Variants in ATP8B2 observed in about 807,000 individuals in gnomAD.
ATP8B2 encodes the protein phospholipid-transporting ATPase ID.
In ATP8B2, 70 loss-of-function variants were observed where a neutral mutation model predicts 133.4. The observed-to-expected ratio is 0.52, with a 90% confidence interval of 0.43 to 0.64. The LOEUF (loss-of-function observed/expected upper bound fraction) is 0.64. ATP8B2 is among the 30% of genes least tolerant of loss of function. The probability of loss-of-function intolerance (pLI) is 0.00; values close to 1 mark genes in which losing one functional copy is unlikely to be tolerated. For missense variants in ATP8B2, 1,101 were observed against 1,535.7 expected, an observed-to-expected ratio of 0.72 and a Z score of 4.73; for synonymous variants, 517 against 589.5, an observed-to-expected ratio of 0.88 and a Z score of 1.78.
At chr1:154,348,804 C>T (rs753350488) in intron 27 of ATP8B2, 36 bp from the exon 28 acceptor site, 14 of 1,539,476 alleles carry the variant, frequency 9.1e-6, no homozygotes, top group Admixed American at 5.8e-5. Flanking sequence ...GACACCTCCA[C>T]GCTGACAGAG....
At chr1:154,348,386 A>G in intron 26 of ATP8B2, 22 bp from the exon 27 acceptor site, 3 of 1,589,884 alleles carry the variant, frequency 1.9e-6, no homozygotes, top group Non-Finnish European at 2.6e-6. Flanking sequence ...TCCCAAGGCC[A>G]CTGACTCCTC....
At chr1:154,341,253 G>C in intron 13 of ATP8B2, 191 bp downstream of exon 13, 1 of 670,430 alleles carries the variant, frequency 1.5e-6, no homozygotes, top group South Asian at 1.6e-5. Flanking sequence ...GGGAGGCTGA[G>C]GTGGGAGGAT....
At position 154,334,235 on chromosome 1, in the gene ATP8B2, G is replaced by C; in HGVS notation, c.718G>C (p.Glu240Gln). ...LLRGCVLRNT[E>Q]WCFGLVIFAG... ...GCGGGGCTGTGTGCTGCGAAACACCGAGTGGTGCTTCGGGCTGGTCATCTT... is the reference window on the plus strand; with the variant it reads ...GCGGGGCTGTGTGCTGCGAAACACCCAGTGGTGCTTCGGGCTGGTCATCTT... Residue 240 changes from glutamate to glutamine, a missense_variant, in exon 10 of 28, where the codon GAG (glutamate) becomes CAG (glutamine). Glu to Gln is a conservative substitution (Grantham distance 29). Transcript: ENST00000368489. This position sits in a 1 kb window ranked among gnomAD's most constrained non-coding sequence, Gnocchi z 4.6. The C allele has an allele frequency of 6.2e-7, 1 of 1,614,162 alleles. No homozygotes were observed.
chr1:154,332,919 A>G (rs928897711), intron 9 of ATP8B2, among the ~76,000 whole-genome samples: 3 of 152,178 alleles, frequency 2.0e-5, no homozygotes, highest in African/African-American at 7.2e-5. Flanking sequence ...CCCACTTGCT[A>G]TGCATGTTGA....
At chr1:154,335,574 C>T (rs1005447044) in intron 11 of ATP8B2, among the ~76,000 whole-genome samples, 4 of 152,088 alleles carry the variant, frequency 2.6e-5, no homozygotes, top group Non-Finnish European at 5.9e-5. Context: ...CACCTGTGGT[C>T]CCAGTTACTC....
rs776254470 is a variant in ATP8B2 at position 154,330,829 on chromosome 1, G to A, written c.105G>A (p.Lys35=). 1.1e-5 allele frequency: 18 copies of A among 1,613,838 alleles called. No homozygotes were observed. In the South Asian group the frequency reaches 1.8e-4, roughly 16 times the overall value. ...TACTGCCATAGAGTAACTGCATCAAGACCTCCAAGTACAATATTCTCACCT... is the reference window on the plus strand; with the variant it reads ...TACTGCCATAGAGTAACTGCATCAAAACCTCCAAGTACAATATTCTCACCT... ...EKFQYASNCI[K]TSKYNILTFL... is the part of the protein sequence containing the mutation. Residue 35 remains lysine (K), a synonymous_variant, in exon 4 of 28, where the codon AAG becomes AAA. Transcript: ENST00000368489.
At position 154,343,443 on chromosome 1, in the gene ATP8B2, C is replaced by A. The variant is rs773815903; in HGVS notation, c.1643-10C>A. The stretch of plus-strand genomic sequence containing the variant: ...TTTTCTGGCACTTTCTTCACCTGCC[C>A]CATTCATAGTGCGGAATCCAGAGGG... On this transcript the variant is annotated splice_polypyrimidine_tract_variant and intron_variant, in intron 16 of 27. Coordinates refer to ENST00000368489, the MANE Select transcript of ATP8B2 (RefSeq NM_001370597.1). The surrounding 1 kb of genome is among the most constrained non-coding windows in gnomAD (Gnocchi z 5.8). 10 of 1,613,250 alleles carry A rather than the reference C, an allele frequency of 6.2e-6. No homozygotes were observed. Among genetic ancestry groups the A allele is most frequent in the Non-Finnish European group, 8.5e-6 (10 of 1,179,484 alleles).
chr1:154,329,124 C>G (rs1685896093), intron 2 of ATP8B2: 1 of 1,212,842 alleles, frequency 8.2e-7, no homozygotes, highest in Non-Finnish European at 1.1e-6. Flanking sequence ...TTATTTCCCC[C>G]CTCCAATCCC....
At chr1:154,327,981 GAGA>G (rs1469749230) in intron 1 of ATP8B2, 121 bp from the exon 2 acceptor site, 5 of 1,511,842 alleles carry the variant, frequency 3.3e-6, no homozygotes, top group African/African-American at 2.8e-5. Context: ...GAGAGACTGG[GAGA>G]AGGAGGCTGG....
In ATP8B2 at chr1:154,340,643, A is replaced by G. The variant is rs1377039914; in HGVS notation, c.1035-211A>G. 6.7e-6 allele frequency: 4 copies of G among 595,096 alleles called. No individual in the cohort carries two copies. Among genetic ancestry groups the G allele is most frequent in the Non-Finnish European group, 1.2e-5 (4 of 325,806 alleles). 36.9% of individuals were successfully genotyped at this position (595,096 alleles called of 1,614,324 possible). On this transcript the variant is annotated intron_variant, in intron 12 of 27. Transcript: ENST00000368489. This position sits in a 1 kb window ranked among gnomAD's most constrained non-coding sequence, Gnocchi z 4.0. Reference sequence around the variant, plus strand: ...TGCACCTTCTTGTCTGGAGAGCATCAGGAGGGTCGGGTCGGGGCGTTCCTC... The same window carrying G: ...TGCACCTTCTTGTCTGGAGAGCATCGGGAGGGTCGGGTCGGGGCGTTCCTC...
intron 3 of ATP8B2, 83 bp downstream of exon 3, chr1:154,330,537 G>C (rs1685948569): frequency 6.9e-7 from 1 of 1,457,600 alleles, no homozygotes; most frequent in Non-Finnish European, 9.5e-7. Context: ...GGGACTGAGG[G>C]CTGCCTGGGA....
chr1:154,336,621 G>A (rs1478436641), intron 11 of ATP8B2, among the ~76,000 whole-genome samples: 8 of 151,594 alleles, frequency 5.3e-5, no homozygotes, highest in Non-Finnish European at 1.2e-4. Context: ...CCTAGTAGCT[G>A]GGATTACAGG....
rs1686446618 is a variant in ATP8B2, at chr1:154,343,228, GGGCACAGCCA to G, written c.1570_1579del (p.Gly524SerfsTer21). ...CCAAAACAATCACCGTCCATGAGAT[GGGCACAGCCA>G]TCACCTACCAGCTGCTGGCCATCCT... is the stretch of plus-strand genomic sequence containing the variant. On this transcript the variant is annotated frameshift_variant, in exon 16 of 28. Coordinates refer to ENST00000368489, the MANE Select transcript of ATP8B2 (RefSeq NM_001370597.1). LOFTEE classifies it high-confidence loss of function. This position sits in a 1 kb window ranked among gnomAD's most constrained non-coding sequence, Gnocchi z 5.8. 1 of 1,614,008 alleles carries G rather than the reference GGGCACAGCCA, an allele frequency of 6.2e-7. No homozygotes were observed. Among genetic ancestry groups the G allele is most frequent in the Non-Finnish European group, 8.5e-7 (1 of 1,180,030 alleles).
Position 154,348,960 on chromosome 1 carries a change from G to A in ATP8B2, c.3415G>A (p.Glu1139Lys), listed in dbSNP as rs1217127836. Residue 1139 changes from glutamate (E) to lysine (K), a missense_variant, in exon 28 of 28, where the codon GAG becomes AAG. Coordinates refer to ENST00000368489, the MANE Select transcript of ATP8B2 (RefSeq NM_001370597.1). ...YAFSHQEGFG[E>K]LIMSGKNMRL... The stretch of plus-strand genomic sequence containing the variant: ...CTTCTCCCATCAGGAGGGCTTCGGG[G>A]AGCTCATCATGTCTGGCAAGAACAT... 1.2e-6 allele frequency: 2 copies of A among 1,614,276 alleles called. No homozygotes were observed. Among genetic ancestry groups the A allele is most frequent in the Non-Finnish European group, 1.7e-6 (2 of 1,180,050 alleles).
Position 154,332,645 on chromosome 1 carries a change from G to A in ATP8B2, c.537G>A (p.Ala179=), listed in dbSNP as rs141051422. 6.0e-4 allele frequency: 959 copies of A among 1,590,110 alleles called. 5 individuals are homozygous for A. The African/African-American group carries it at 9.4e-3, about 16-fold the overall frequency. ...DGETNMKVRQ[A]IPVTSELGDI... is the part of the protein sequence containing the mutation. ...AGACCAACATGAAAGTACGTCAGGC[G>A]ATTCCAGTCACCTCAGAATTGGGAG... The change falls in exon 9 of 28, where the codon GCG becomes GCA. Residue 179 remains alanine (A), a synonymous_variant. Coordinates refer to ENST00000368489, the MANE Select transcript of ATP8B2 (RefSeq NM_001370597.1).
rs1202024749 is a variant in ATP8B2, at chr1:154,340,178, AAAAC to A, written c.1035-669_1035-666del. On this transcript the variant is annotated intron_variant, in intron 12 of 27. Transcript: ENST00000368489. This position sits in a 1 kb window ranked among gnomAD's most constrained non-coding sequence, Gnocchi z 4.0. ...TTGGGTGACAGAGACCCTAGCTCAA[AAAAC>A]AAACAAGCAAACAACAACCACCACA... Among the ~76,000 whole-genome samples, 1 of 152,128 alleles carries A rather than the reference AAAAC, an allele frequency of 6.6e-6. No homozygotes were observed. Among genetic ancestry groups the A allele is most frequent in the Non-Finnish European group, 1.5e-5 (1 of 68,010 alleles).
chr1:154,342,446 A>G, intron 13 of ATP8B2, 34 bp from the exon 14 acceptor site: 1 of 1,610,188 alleles, frequency 6.2e-7, no homozygotes. Context: ...TCTGGCTCTG[A>G]CATTGCTTCT....
rs769724099 is a variant in ATP8B2 at position 154,330,364 on chromosome 1, C to T, written c.32-32C>T. ...AAGTGTTGGTCCAGACCTCAGTTTG[C>T]TCCTCCTGACTGCAGCATCATTTTG... is the stretch of plus-strand genomic sequence containing the variant. On this transcript the variant is annotated intron_variant, in intron 2 of 27. Transcript: ENST00000368489. 13 of 1,609,104 alleles carry T rather than the reference C, an allele frequency of 8.1e-6. No individual in the cohort carries two copies. The Admixed American group carries it at 1.8e-4, about 23-fold the overall frequency.
rs906230228 is a variant in ATP8B2 at position 154,346,969 on chromosome 1, A to G, written c.3163+211A>G. 2.0e-4 allele frequency among the ~76,000 whole-genome samples: 31 copies of G among 152,276 alleles called. 1 individual carries two copies. Among genetic ancestry groups the G allele is most frequent in the African/African-American group, 7.5e-4 (31 of 41,550 alleles). On this transcript the variant is annotated intron_variant, in intron 26 of 27. Coordinates refer to ENST00000368489, the MANE Select transcript of ATP8B2 (RefSeq NM_001370597.1). This position sits in a 1 kb window ranked among gnomAD's most constrained non-coding sequence, Gnocchi z 4.5. ...CTCACTGCAGCCTTCGACTCACTGC[A>G]GCCTCTGCCTCCCGGGTTCAAGCGA... is the stretch of plus-strand genomic sequence containing the variant.
Sources: allele counts gnomAD v4.1 joint callset (sites outside exome capture counted in the v4.1 genomes callset), GRCh38; gene constraint gnomAD v4.1.1; non-coding constraint Gnocchi (gnomAD v3.1); transcripts MANE v1.5; gene names NCBI Gene and HGNC (gene_info 2026-07-23, HGNC 2026-07-21).